The following ADAMTSL1 variants were observed in gnomAD, a reference collection of about 807,000 sequenced individuals.
The protein encoded by ADAMTSL1 is ADAMTS like 1, also known as ADAMTS-like protein 1.
In ADAMTSL1, 126 loss-of-function variants were observed where a neutral mutation model predicts 201.8. The observed-to-expected ratio is 0.62, with a 90% CI of 0.54 to 0.72. ADAMTSL1 has a LOEUF of 0.72. ADAMTSL1 is among the 30% of genes least tolerant of loss of function. The pLI is 0.00. For missense variants in ADAMTSL1, 2,679 were observed against 2,277.8 expected (o/e 1.18, Z -3.59); for synonymous variants, 1,121 against 903.4 (o/e 1.24, Z -4.32).
intron 4 of ADAMTSL1, among the ~76,000 whole-genome samples, chr9:18,613,483 C>A (rs573310122): frequency 6.6e-6 from 1 of 152,216 alleles, no homozygotes; most frequent in East Asian, 1.9e-4. Flanking sequence ...CAATGATAGA[C>A]TGGATAAAGG....
At chr9:17,907,451 T>C (rs1825760178) in intron 1 of ADAMTSL1, among the ~76,000 whole-genome samples, 1 of 152,192 alleles carries the variant, frequency 6.6e-6, no homozygotes, top group Non-Finnish European at 1.5e-5. Context: ...TTGTAATGTG[T>C]GCGGACGCCG....
intron 1 of ADAMTSL1, among the ~76,000 whole-genome samples, chr9:18,060,308 G>T (rs905590287): frequency 3.3e-5 from 5 of 152,142 alleles, no homozygotes; most frequent in African/African-American, 1.2e-4. Context: ...CATTTGTGGG[G>T]TCACGTGAAT....
At chr9:18,313,735 G>C (rs541191480) in intron 2 of ADAMTSL1, among the ~76,000 whole-genome samples, 1 of 152,244 alleles carries the variant, frequency 6.6e-6, no homozygotes, top group South Asian at 2.1e-4. Context: ...GAGTTTCCTA[G>C]AGGAAAGTAT....
At chr9:18,830,015 G>A (rs1030787995) in intron 23 of ADAMTSL1, 38 bp downstream of exon 23, 33 of 1,570,084 alleles carry the variant, frequency 2.1e-5, no homozygotes, top group Non-Finnish European at 2.7e-5. Context: ...CAGAAAGCCA[G>A]GACTGGACAG....
rs1824560698 is a variant in ADAMTSL1 at position 18,102,245 on chromosome 9, A to G, written c.88-61617A>G. 2.6e-5 allele frequency among the ~76,000 whole-genome samples: 4 copies of G among 151,834 alleles called. No individual in the cohort carries two copies. In the South Asian group the frequency reaches 6.2e-4, roughly 24 times the overall value. ...ATTTCATGGTTTTTTTCTGCCATTT[A>G]TTTCTTTTTATTTACAGTTTTGTTC... On this transcript the variant is annotated intron_variant, in intron 1 of 29. Coordinates refer to the ADAMTSL1 transcript ENST00000680146.
At chr9:18,635,805 A>G in intron 5 of ADAMTSL1, 138 bp from the exon 6 acceptor site, 1 of 637,880 alleles carries the variant, frequency 1.6e-6, no homozygotes, top group Non-Finnish European at 2.6e-6. Flanking sequence ...TTGATTTCTA[A>G]ATATTGGCCT....
intron 1 of ADAMTSL1, among the ~76,000 whole-genome samples, chr9:17,993,410 T>A (rs1350322482): frequency 1.3e-5 from 2 of 152,214 alleles, no homozygotes; most frequent in Non-Finnish European, 2.9e-5. Context: ...TGGCTGAAGT[T>A]CATGCCTTTC....
chr9:18,527,388 G>A (rs1374146275), intron 2 of ADAMTSL1, among the ~76,000 whole-genome samples: 2 of 152,140 alleles, frequency 1.3e-5, no homozygotes, highest in Non-Finnish European at 2.9e-5. Context: ...TTGACATCAG[G>A]TATAAGTCTG....
chr9:18,520,950 G>T (rs1587444093), intron 2 of ADAMTSL1, among the ~76,000 whole-genome samples: 1 of 152,248 alleles, frequency 6.6e-6, no homozygotes, highest in East Asian at 1.9e-4. Flanking sequence ...GAGAAAGAGA[G>T]ATTTTTTATA....
intron 2 of ADAMTSL1, among the ~76,000 whole-genome samples, chr9:18,254,336 C>T (rs1457422401): frequency 8.3e-6 from 1 of 120,422 alleles, no homozygotes; most frequent in Non-Finnish European, 1.7e-5. Flanking sequence ...ACCGTCAATA[C>T]TCTTTTTGGT....
At chr9:18,118,573 G>A (rs1825363501) in intron 1 of ADAMTSL1, among the ~76,000 whole-genome samples, 1 of 152,132 alleles carries the variant, frequency 6.6e-6, no homozygotes, top group Admixed American at 6.6e-5. Context: ...CCTTTAATGG[G>A]GGAGAGGGAG....
rs1488604148 is a variant in ADAMTSL1, at chr9:18,547,627, TATATATAAAAAA to T, written c.237+14337_237+14348del. Among the ~76,000 whole-genome samples the T allele has an allele frequency of 5.2e-5, 5 of 95,416 alleles. No individual in the cohort carries two copies. In the East Asian group the frequency reaches 9.1e-4, roughly 17 times the overall value. 62.6% of individuals were successfully genotyped at this position (95,416 alleles called of 152,430 possible). A position where few individuals can be genotyped will look rare whatever the true frequency, so the allele number is the denominator to read the frequency against. ...CTCTGTTGTGAAGAGCGGCTGTATA[TATATATAAAAAA>T]AAAAAAAAAAAAAAAGACAGTTGCC... On this transcript the variant is annotated intron_variant, in intron 3 of 28. Coordinates refer to ENST00000380548, the MANE Select transcript of ADAMTSL1 (RefSeq NM_001040272.6).
intron 2 of ADAMTSL1, among the ~76,000 whole-genome samples, chr9:18,525,369 T>G (rs1050127855): frequency 3.3e-5 from 5 of 152,232 alleles, no homozygotes; most frequent in African/African-American, 1.2e-4. Context: ...TCTATCAATT[T>G]TGTTGATCTT....
intron 1 of ADAMTSL1, among the ~76,000 whole-genome samples, chr9:18,128,003 T>A (rs2067720): frequency 0.014 from 2,190 of 152,318 alleles, 22 homozygotes; most frequent in Non-Finnish European, 0.024. Context: ...TTTTAGATGC[T>A]TTTCATTAAG....
At chr9:18,240,199 C>A (rs1831008855) in intron 2 of ADAMTSL1, among the ~76,000 whole-genome samples, 1 of 152,104 alleles carries the variant, frequency 6.6e-6, no homozygotes, top group African/African-American at 2.4e-5. Flanking sequence ...ATGTGAAAGT[C>A]AAAACTAATC....
At position 18,341,022 on chromosome 9, in the gene ADAMTSL1, T is replaced by C. The variant is rs572007543; in HGVS notation, c.208-163807T>C. Among the ~76,000 whole-genome samples, 10 of 152,242 alleles carry C rather than the reference T, an allele frequency of 6.6e-5. No homozygotes were observed. In the South Asian group the frequency reaches 2.1e-3, roughly 32 times the overall value. ...AGACCCCCACCAACTCTCAAGTGGG[T>C]GATGACTACAGTTTCCCAACCACTC... On this transcript the variant is annotated intron_variant, in intron 2 of 29. Coordinates refer to the ADAMTSL1 transcript ENST00000680146.
chr9:18,226,136 G>T (rs2132384438), intron 2 of ADAMTSL1, among the ~76,000 whole-genome samples: 1 of 152,248 alleles, frequency 6.6e-6, no homozygotes, highest in South Asian at 2.1e-4. Context: ...AGCAGACAAA[G>T]ATGCCATTTT....
chr9:18,483,071 G>C (rs903695455), intron 1 of ADAMTSL1, among the ~76,000 whole-genome samples: 1 of 152,224 alleles, frequency 6.6e-6, no homozygotes, highest in Non-Finnish European at 1.5e-5. Context: ...GGGAACCTTT[G>C]ATGCATGCGG....
At chr9:18,159,600 G>A (rs1454331211) in intron 1 of ADAMTSL1, among the ~76,000 whole-genome samples, 1 of 151,926 alleles carries the variant, frequency 6.6e-6, no homozygotes, top group Admixed American at 6.6e-5. Flanking sequence ...AAGACAAACC[G>A]GTTGCTCTGT....
Sources: gnomAD v4.1 joint callset for allele counts (sites outside exome capture counted in the v4.1 genomes callset) on GRCh38, gnomAD v4.1.1 for gene constraint, MANE v1.5 for transcripts, NCBI Gene and HGNC (gene_info 2026-07-23, HGNC 2026-07-21) for gene names.